The following POLR3A variants were observed in gnomAD, a reference collection of about 807,000 sequenced individuals.
POLR3A encodes RNA polymerase III subunit A, also known as DNA-directed RNA polymerase III subunit RPC1.
Under a neutral mutation model 152.8 loss-of-function variants are expected in POLR3A, and 112 were observed. The ratio of observed to expected loss-of-function variants is 0.73; its 90% CI spans 0.63 to 0.86. POLR3A has a LOEUF of 0.86. Ranked by LOEUF, POLR3A falls within the 40% of genes least tolerant of loss-of-function variation. POLR3A has a pLI of 0.00. For synonymous variants in POLR3A, 615 were observed against 652.1 expected (o/e 0.94, Z 0.87); for missense variants, 1,385 against 1,743.1 (o/e 0.79, Z 3.66).
At chr10:78,001,488 G>A (rs1847357070) in intron 17 of POLR3A, among the ~76,000 whole-genome samples, 1 of 152,134 alleles carries the variant, frequency 6.6e-6, no homozygotes. Context: ...GCTATGTCCT[G>A]AGGGTAGGAA....
At chr10:77,991,467 A>T (rs1207003442) in intron 20 of POLR3A, among the ~76,000 whole-genome samples, 1 of 152,184 alleles carries the variant, frequency 6.6e-6, no homozygotes, top group East Asian at 1.9e-4. Context: ...ATAAGCTGTT[A>T]TTTAAAAAAC....
chr10:77,997,568 GAATAA>G (rs1200882353), intron 19 of POLR3A, among the ~76,000 whole-genome samples: 1 of 152,030 alleles, frequency 6.6e-6, no homozygotes, highest in Non-Finnish European at 1.5e-5. Context: ...GCTTCAAAGA[GAATAA>G]AATACCTAGG....
intron 14 of POLR3A, among the ~76,000 whole-genome samples, chr10:78,008,464 A>G (rs1209245590): frequency 6.6e-6 from 1 of 152,154 alleles, no homozygotes; most frequent in Non-Finnish European, 1.5e-5. Flanking sequence ...GACCTTCAGA[A>G]GAACTCTGCA....
intron 10 of POLR3A, 44 bp downstream of exon 10, chr10:78,017,531 C>A: frequency 6.2e-7 from 1 of 1,604,564 alleles, no homozygotes. Context: ...ACAGTCATGG[C>A]AAATTTCTAC....
At chr10:78,004,420 T>C (rs1847390508) in intron 16 of POLR3A, among the ~76,000 whole-genome samples, 1 of 152,090 alleles carries the variant, frequency 6.6e-6, no homozygotes, top group Admixed American at 6.5e-5. Flanking sequence ...TGTGGCCGAA[T>C]GAACAGATGG....
intron 16 of POLR3A, 112 bp from the exon 17 acceptor site, chr10:78,002,420 T>C (rs1847366395): frequency 3.9e-6 from 3 of 773,270 alleles, no homozygotes; most frequent in African/African-American, 1.7e-5. Context: ...AGATGCCCGA[T>C]TTCCGATCAG....
intron 7 of POLR3A, 45 bp from the exon 8 acceptor site, chr10:78,021,727 T>C (rs759081089): frequency 1.2e-5 from 19 of 1,611,338 alleles, no homozygotes; most frequent in African/African-American, 5.3e-5. Flanking sequence ...GCATACCATG[T>C]GCTCATGGGA....
intron 1 of POLR3A, among the ~76,000 whole-genome samples, chr10:78,027,653 C>T (rs149514868): frequency 0.011 from 1,667 of 151,878 alleles, 23 homozygotes; most frequent in African/African-American, 0.038. Context: ...TGGGTTCAAG[C>T]GATTCTCCTG....
At chr10:78,017,530 G>T (rs367869474) in intron 10 of POLR3A, 45 bp downstream of exon 10, 21 of 1,600,628 alleles carry the variant, frequency 1.3e-5, no homozygotes, top group Non-Finnish European at 1.7e-5. Flanking sequence ...AACAGTCATG[G>T]CAAATTTCTA....
intron 17 of POLR3A, among the ~76,000 whole-genome samples, chr10:78,001,545 C>T (rs1458125002): frequency 6.6e-6 from 1 of 151,942 alleles, no homozygotes; most frequent in Non-Finnish European, 1.5e-5. Flanking sequence ...AGAGACTGGA[C>T]TTTATCCTGT....
At chr10:78,013,279 TTAGG>T in intron 11 of POLR3A, 1 of 290,548 alleles carries the variant, frequency 3.4e-6, no homozygotes, top group Non-Finnish European at 6.7e-6. Flanking sequence ...GAAAATTTAC[TTAGG>T]TAGGACATCT....
intron 24 of POLR3A, among the ~76,000 whole-genome samples, chr10:77,984,578 G>A (rs773606011): frequency 6.6e-6 from 1 of 152,196 alleles, no homozygotes; most frequent in Non-Finnish European, 1.5e-5. Flanking sequence ...TCCTGACCTC[G>A]TGATCTGCCC....
intron 19 of POLR3A, among the ~76,000 whole-genome samples, chr10:77,996,306 A>G (rs1847299881): frequency 6.6e-6 from 1 of 152,218 alleles, no homozygotes; most frequent in Non-Finnish European, 1.5e-5. Flanking sequence ...AGAAATAACT[A>G]AGATCAGAGC....
intron 2 of POLR3A, 56 bp downstream of exon 2, chr10:78,026,038 A>G: frequency 3.7e-6 from 6 of 1,605,894 alleles, no homozygotes; most frequent in Middle Eastern, 1.8e-4. Context: ...CTGGTAAGTC[A>G]CCAGTTTTAT....
At chr10:78,010,405 C>T in intron 12 of POLR3A, 66 bp downstream of exon 12, 1 of 1,191,396 alleles carries the variant, frequency 8.4e-7, no homozygotes, top group East Asian at 2.3e-5. Flanking sequence ...TCACATGAAT[C>T]ACTATGAACG....
At position 78,021,996 on chromosome 10, in the gene POLR3A, C is replaced by T. The variant is rs752949921; in HGVS notation, c.912G>A (p.Gln304=). Residue 304 remains glutamine, a synonymous_variant, in exon 7 of 31, where the codon CAG becomes CAA. Coordinates refer to ENST00000372371, the MANE Select transcript of POLR3A (RefSeq NM_007055.4). ...KKHRISGAKT[Q]MIMEDWDFLQ... is the part of the protein sequence containing the mutation. ...GGAAATCCCAGTCCTCCATGATCAT[C>T]TGGGTCTTGGCTCCTGAGATCCGAT... is the stretch of plus-strand genomic sequence containing the variant. The T allele has an allele frequency of 6.2e-7, 1 of 1,614,198 alleles. No homozygotes were observed. The highest frequency in any genetic ancestry group is 8.5e-7 in the Non-Finnish European group (1 of 1,180,038).
chr10:78,004,431 CTA>C (rs942709476), intron 16 of POLR3A, among the ~76,000 whole-genome samples: 2 of 152,104 alleles, frequency 1.3e-5, no homozygotes, highest in African/African-American at 4.8e-5. Flanking sequence ...GAACAGATGG[CTA>C]TGTTTTCACC....
chr10:78,000,217 TA>T, intron 18 of POLR3A, 99 bp from the exon 19 acceptor site: 1 of 995,686 alleles, frequency 1.0e-6, no homozygotes, highest in Non-Finnish European at 1.6e-6. Context: ...CTTGAGACTA[TA>T]AATACCTGGC....
Position 78,024,629 on chromosome 10 carries a change from T to C in POLR3A, c.565A>G (p.Ile189Val). Residue 189 changes from isoleucine (I) to valine (V), a missense_variant, in exon 5 of 31, where the codon ATT (isoleucine) becomes GTT (valine). By Grantham distance (29) the Ile-to-Val change is conservative. Transcript: ENST00000372371. ...AAAGACTGAAGGAAATTTGATACAA[T>C]GGGATCCACCACTTTTTTGTTGGTC... ...YKTNKKVVDP[I>V]VSNFLQSFET... The C allele has an allele frequency of 6.2e-7, 1 of 1,613,968 alleles. No homozygotes were observed. Among genetic ancestry groups the C allele is most frequent in the Non-Finnish European group, 8.5e-7 (1 of 1,179,808 alleles).
Sources: gnomAD v4.1 joint callset for allele counts (sites outside exome capture counted in the v4.1 genomes callset) on GRCh38, gnomAD v4.1.1 for gene constraint, MANE v1.5 for transcripts, NCBI Gene and HGNC (gene_info 2026-07-23, HGNC 2026-07-21) for gene names.